The following VWA8 variants were observed in gnomAD, a reference collection of about 807,000 sequenced individuals.
VWA8 encodes von Willebrand factor A domain containing 8.
A neutral mutation model predicts 241.5 loss-of-function variants in VWA8; 221 were observed. The observed-to-expected ratio is 0.91, with a 90% CI of 0.82 to 1.02. The LOEUF (loss-of-function observed/expected upper bound fraction) is 1.02, where lower values mean the gene tolerates loss of function less well. VWA8 is among the 50% of genes least tolerant of loss of function. The pLI, the probability that VWA8 is intolerant of heterozygous loss-of-function variation, is 0.00. For synonymous variants in VWA8, 852 were observed against 827.1 expected (o/e 1.03, Z -0.52); for missense variants, 2,322 against 2,328.7 (o/e 1.00, Z 0.06).
chr13:41,709,002 A>G (rs1304714930), intron 26 of VWA8, among the ~76,000 whole-genome samples: 2 of 152,194 alleles, frequency 1.3e-5, no homozygotes, highest in African/African-American at 4.8e-5. Flanking sequence ...GTTGCATCTT[A>G]GTATTTTCTA....
intron 37 of VWA8, among the ~76,000 whole-genome samples, chr13:41,617,018 C>A (rs2044625121): frequency 6.6e-6 from 1 of 152,020 alleles, no homozygotes; most frequent in Non-Finnish European, 1.5e-5. Flanking sequence ...AATCCCAGCA[C>A]TGCGAAAAAC....
intron 19 of VWA8, among the ~76,000 whole-genome samples, chr13:41,779,687 G>A (rs1042420937): frequency 2.5e-4 from 38 of 152,150 alleles, no homozygotes; most frequent in Non-Finnish European, 3.4e-4. Flanking sequence ...AAAAGTCAGT[G>A]CCAATTCCAG....
chr13:41,893,462 TAA>T (rs36122223), intron 4 of VWA8, among the ~76,000 whole-genome samples: 48 of 131,818 alleles, frequency 3.6e-4, no homozygotes, highest in Admixed American at 4.6e-4. Context: ...AAGCTTTATT[TAA>T]AAAAAAAAAA....
chr13:41,817,790 C>T (rs1007449135), intron 15 of VWA8, among the ~76,000 whole-genome samples: 2 of 152,128 alleles, frequency 1.3e-5, no homozygotes, highest in Non-Finnish European at 2.9e-5. Flanking sequence ...TAAGTTCATT[C>T]AGATGTTTCA....
At chr13:41,715,884 G>A (rs2045345193) in intron 26 of VWA8, among the ~76,000 whole-genome samples, 1 of 151,950 alleles carries the variant, frequency 6.6e-6, no homozygotes, top group Admixed American at 6.6e-5. Context: ...TGAGTGTGGG[G>A]ATGATCATCT....
chr13:41,910,968 A>G (rs1409915000), intron 3 of VWA8, among the ~76,000 whole-genome samples: 1 of 152,222 alleles, frequency 6.6e-6, no homozygotes, highest in African/African-American at 2.4e-5. Flanking sequence ...TGTCTTCAGA[A>G]CACAGCTTCA....
At chr13:41,896,465 G>C (rs1249059627) in intron 4 of VWA8, among the ~76,000 whole-genome samples, 1 of 151,976 alleles carries the variant, frequency 6.6e-6, no homozygotes, top group East Asian at 1.9e-4. Flanking sequence ...TTAAGAAAAA[G>C]ATTAATAGAT....
chr13:41,709,932 C>T (rs2045305981), intron 26 of VWA8, among the ~76,000 whole-genome samples: 1 of 152,036 alleles, frequency 6.6e-6, no homozygotes, highest in South Asian at 2.1e-4. Flanking sequence ...CAAACATGCA[C>T]CACCACTCCT....
At chr13:41,802,342 C>G (rs1438908934) in intron 17 of VWA8, among the ~76,000 whole-genome samples, 3 of 152,204 alleles carry the variant, frequency 2.0e-5, no homozygotes, top group African/African-American at 7.2e-5. Flanking sequence ...TCCCAGGGGT[C>G]AGAACCTGAA....
At chr13:41,690,471 A>G (rs1178830476) in intron 32 of VWA8, among the ~76,000 whole-genome samples, 196 bp from the exon 33 acceptor site, 2 of 152,134 alleles carry the variant, frequency 1.3e-5, no homozygotes, top group African/African-American at 4.8e-5. Context: ...ACAGCAATAC[A>G]GTAATGAATG....
At chr13:41,960,775 G>A in intron 1 of VWA8, 78 bp downstream of exon 1, 1 of 1,441,388 alleles carries the variant, frequency 6.9e-7, no homozygotes, top group African/African-American at 1.5e-5. Flanking sequence ...AAGCAACAGA[G>A]AGGAGGGGCG....
rs1391110670 is a variant in VWA8, at chr13:41,746,504, T to A, written c.2427-14349A>T. On this transcript the variant is annotated intron_variant, in intron 21 of 44. Transcript: ENST00000379310. ...CAGGATAATGTAACCACTTGGTGGG[T>A]ACACTGAAAGAAAGGATATTACTGA... is the stretch of plus-strand genomic sequence containing the variant. Among the ~76,000 whole-genome samples the A allele has an allele frequency of 3.3e-4, 50 of 152,080 alleles. 1 individual carries two copies. Among genetic ancestry groups the A allele is most frequent in the Admixed American group, 3.3e-3 (50 of 15,268 alleles).
chr13:41,646,556 A>G (rs2044833712), intron 37 of VWA8, among the ~76,000 whole-genome samples: 1 of 152,224 alleles, frequency 6.6e-6, no homozygotes, highest in South Asian at 2.1e-4. Flanking sequence ...ATCTCAGTCC[A>G]TCTCCTTCTA....
chr13:41,644,273 C>A (rs532988659), intron 37 of VWA8, among the ~76,000 whole-genome samples: 3 of 150,240 alleles, frequency 2.0e-5, no homozygotes, highest in Admixed American at 2.0e-4. Flanking sequence ...GTACCACCCC[C>A]GCCAAAAAAA....
At chr13:41,604,636 C>G (rs186060704) in intron 40 of VWA8, among the ~76,000 whole-genome samples, 29 of 152,164 alleles carry the variant, frequency 1.9e-4, no homozygotes, top group African/African-American at 6.7e-4. Context: ...ACACAAGATT[C>G]CAGAGTAGAA....
intron 2 of VWA8, among the ~76,000 whole-genome samples, chr13:41,936,036 G>T (rs1444950474): frequency 1.3e-5 from 2 of 151,952 alleles, no homozygotes; most frequent in Non-Finnish European, 1.5e-5. Context: ...TTTAGGTACT[G>T]ATTTTTTCAT....
chr13:41,879,633 T>C (rs1010867362), intron 9 of VWA8, among the ~76,000 whole-genome samples: 1 of 151,824 alleles, frequency 6.6e-6, no homozygotes, highest in African/African-American at 2.4e-5. Context: ...TCAATGAAAA[T>C]ACTGTTTCTT....
At chr13:41,841,796 A>AT (rs1872021459) in intron 12 of VWA8, among the ~76,000 whole-genome samples, 2 of 38,130 alleles carry the variant, frequency 5.2e-5, no homozygotes, top group African/African-American at 2.3e-4. Context: ...AAAAAAAAAA[A>AT]AAAAAAAAAA....
chr13:41,691,545 G>T, intron 31 of VWA8, 100 bp from the exon 32 acceptor site: 1 of 1,403,422 alleles, frequency 7.1e-7, no homozygotes, highest in East Asian at 2.5e-5. Flanking sequence ...CCCATAAAAA[G>T]AATGTTTTAA....
Sources: allele counts gnomAD v4.1 joint callset (sites outside exome capture counted in the v4.1 genomes callset), GRCh38; gene constraint gnomAD v4.1.1; transcripts MANE v1.5; gene names NCBI Gene and HGNC (gene_info 2026-07-23, HGNC 2026-07-21).